Variants in PSD3 observed in about 807,000 individuals in gnomAD.
PSD3 encodes the protein PH and SEC7 domain-containing protein 3.
Under a neutral mutation model 105.5 loss-of-function variants are expected in PSD3, and 49 were observed. The ratio of observed to expected loss-of-function variants is 0.46; its 90% CI spans 0.37 to 0.59. The LOEUF (loss-of-function observed/expected upper bound fraction) is 0.59, where lower values mean the gene tolerates loss of function less well. PSD3 is among the 20% of genes least tolerant of loss of function. The probability of loss-of-function intolerance (pLI) is 0.00; values close to 1 mark genes in which losing one functional copy is unlikely to be tolerated. For missense variants in PSD3, 1,561 were observed against 1,263.8 expected, an observed-to-expected ratio of 1.24 and a Z score of -3.57; for synonymous variants, 557 against 457.8, an observed-to-expected ratio of 1.22 and a Z score of -2.77.
rs368054379 is a variant in PSD3, at chr8:18,787,626, C to T, written c.2082+11669G>A. ...TCAAAAGTCAAAATACTCTCTATAT[C>T]GGAGGCCTACGTCATCCCGCAACAA... On this transcript the variant is annotated intron_variant, in intron 8 of 15. Coordinates refer to ENST00000327040, the MANE Select transcript of PSD3 (RefSeq NM_015310.4). 1.1e-4 allele frequency among the ~76,000 whole-genome samples: 16 copies of T among 152,202 alleles called. No homozygotes were observed. The East Asian group carries it at 1.7e-3, about 17-fold the overall frequency.
intron 4 of PSD3, among the ~76,000 whole-genome samples, chr8:18,846,074 A>G (rs183734262): frequency 6.6e-6 from 1 of 152,312 alleles, no homozygotes; most frequent in African/African-American, 2.4e-5. Flanking sequence ...CAATTTGACT[A>G]TAAAGTTACC....
intron 11 of PSD3, among the ~76,000 whole-genome samples, chr8:18,610,471 G>C (rs1258966835): frequency 6.6e-6 from 1 of 152,030 alleles, no homozygotes; most frequent in Non-Finnish European, 1.5e-5. Flanking sequence ...CCCTTTGTTT[G>C]TCTATAAATT....
chr8:18,686,133 C>T (rs376549167), intron 9 of PSD3, among the ~76,000 whole-genome samples: 16 of 152,174 alleles, frequency 1.1e-4, no homozygotes, highest in Admixed American at 7.2e-4. Flanking sequence ...AGCAGAAGGA[C>T]GCCATCTTTA....
chr8:18,610,177 G>C (rs1479444778), intron 11 of PSD3, among the ~76,000 whole-genome samples: 1 of 152,202 alleles, frequency 6.6e-6, no homozygotes, highest in Non-Finnish European at 1.5e-5. Context: ...GGGCAGCCTT[G>C]TAGGAACTGT....
rs530950656 is a variant in PSD3 at position 18,683,891 on chromosome 8, C to A, written c.2173-28206G>T. The A allele has an allele frequency of 6.2e-4, 474 of 765,254 alleles. 2 individuals carry two copies. The highest frequency in any genetic ancestry group is 3.6e-3 in the South Asian group (272 of 74,610). The allele number at this position is 765,254 out of a possible 1,614,324, so 47.4% of individuals were successfully genotyped here. A position where few individuals can be genotyped will look rare whatever the true frequency, so the allele number is the denominator to read the frequency against. ...ATTTCACGGAACCTGAGGTCCTCAC[C>A]CGTACCTTGCTGGCACTCTGGACAC... On this transcript the variant is annotated intron_variant, in intron 9 of 15. Coordinates refer to ENST00000327040, the MANE Select transcript of PSD3 (RefSeq NM_015310.4).
chr8:18,743,247 T>G (rs1259829614), intron 9 of PSD3, among the ~76,000 whole-genome samples: 1 of 152,188 alleles, frequency 6.6e-6, no homozygotes, highest in African/African-American at 2.4e-5. Context: ...CACAGAGTGA[T>G]TCCCCAAATA....
chr8:18,764,734 T>C (rs1194665311), intron 9 of PSD3, among the ~76,000 whole-genome samples: 1 of 152,152 alleles, frequency 6.6e-6, no homozygotes, highest in Non-Finnish European at 1.5e-5. Flanking sequence ...AACCTATACG[T>C]GTACTGTTTT....
chr8:18,906,505 T>C (rs1054461692), intron 2 of PSD3, among the ~76,000 whole-genome samples: 2 of 152,190 alleles, frequency 1.3e-5, no homozygotes, highest in African/African-American at 2.4e-5. Context: ...TTCAATTTCA[T>C]GTTACTACTT....
intron 4 of PSD3, among the ~76,000 whole-genome samples, chr8:18,842,036 A>G (rs1308602868): frequency 6.6e-6 from 1 of 152,184 alleles, no homozygotes; most frequent in Non-Finnish European, 1.5e-5. Flanking sequence ...GCTGTTTCCA[A>G]GGCCAAAAAC....
rs1563368479 is a variant in PSD3, at chr8:18,871,734, C to T, written c.1130G>A (p.Gly377Glu). 5.0e-6 allele frequency: 8 copies of T among 1,614,138 alleles called. No homozygotes were observed. Among genetic ancestry groups the T allele is most frequent in the Non-Finnish European group, 5.9e-6 (7 of 1,180,016 alleles). Residue 377 changes from glycine to glutamate, a missense_variant, in exon 3 of 16, where the codon GGG (glycine) becomes GAG (glutamate). Coordinates refer to ENST00000327040, the MANE Select transcript of PSD3 (RefSeq NM_015310.4). The stretch of plus-strand genomic sequence containing the variant: ...ATCAAGACGCACAGGGGAAAATGTC[C>T]CCGAGCTAGTGCCAGGCCTCTCTGA... Reference protein sequence around the residue: ...APSERPGTSSGTFSPVRLDES... With the variant: ...APSERPGTSSETFSPVRLDES...
At chr8:19,020,790 G>T (rs1386655661) in intron 1 of PSD3, among the ~76,000 whole-genome samples, 1 of 152,154 alleles carries the variant, frequency 6.6e-6, no homozygotes, top group African/African-American at 2.4e-5. Context: ...TTATAAAAGA[G>T]AGTCAAAGAT....
chr8:18,781,953 G>A (rs1490933937), intron 8 of PSD3, among the ~76,000 whole-genome samples: 1 of 151,612 alleles, frequency 6.6e-6, no homozygotes, highest in African/African-American at 2.4e-5. Context: ...AAATTCTTCT[G>A]CTTGATCTAG....
At chr8:18,741,571 C>T (rs2129434605) in intron 9 of PSD3, among the ~76,000 whole-genome samples, 1 of 152,290 alleles carries the variant, frequency 6.6e-6, no homozygotes, top group Non-Finnish European at 1.5e-5. Flanking sequence ...TCCACCAACA[C>T]TGCAGCTGTG....
At chr8:18,707,589 T>A (rs1409991287) in intron 9 of PSD3, among the ~76,000 whole-genome samples, 2 of 152,308 alleles carry the variant, frequency 1.3e-5, no homozygotes, top group South Asian at 4.1e-4. Context: ...GATATTATCA[T>A]CACTCCCATG....
chr8:18,804,212 T>C, intron 6 of PSD3: 1 of 239,032 alleles, frequency 4.2e-6, no homozygotes, highest in Non-Finnish European at 7.9e-6. Flanking sequence ...ATGCTTCAAA[T>C]CAGAGATGCT....
intron 4 of PSD3, among the ~76,000 whole-genome samples, chr8:18,810,704 A>G (rs1216702186): frequency 6.6e-6 from 1 of 152,196 alleles, no homozygotes; most frequent in East Asian, 1.9e-4. Context: ...GTTGAATTTT[A>G]TACATAACTT....
chr8:18,658,423 G>A (rs1809058621), intron 9 of PSD3, among the ~76,000 whole-genome samples: 1 of 151,898 alleles, frequency 6.6e-6, no homozygotes, highest in Non-Finnish European at 1.5e-5. Context: ...TTCCCGTGTA[G>A]CCTAGACGTC....
At chr8:19,084,412 G>A (rs1490443123) in exon 1 of PSD3, 5 of 456,256 alleles carry the variant, frequency 1.1e-5, no homozygotes, top group Admixed American at 7.0e-5. Context: ...ACAGCCCTTG[G>A]AGGGGAGCAT....
intron 1 of PSD3, among the ~76,000 whole-genome samples, chr8:19,002,743 A>G (rs2129474531): frequency 6.6e-6 from 1 of 152,194 alleles, no homozygotes; most frequent in South Asian, 2.1e-4. Context: ...AGATGTCCAT[A>G]CATGTTCAGA....
Sources: gnomAD v4.1 joint callset for allele counts (sites outside exome capture counted in the v4.1 genomes callset) on GRCh38, gnomAD v4.1.1 for gene constraint, MANE v1.5 for transcripts, NCBI Gene and HGNC (gene_info 2026-07-23, HGNC 2026-07-21) for gene names.